Variants in IL2RB observed in about 807,000 individuals in gnomAD.
The protein encoded by IL2RB is interleukin 2 receptor subunit beta.
In IL2RB, 17 loss-of-function variants were observed where a neutral mutation model predicts 44.2. That is an observed-to-expected ratio of 0.38 (90% CI 0.26 to 0.58). The LOEUF (loss-of-function observed/expected upper bound fraction) is 0.58. Ranked by LOEUF, IL2RB falls within the 20% of genes least tolerant of loss-of-function variation. The pLI is 0.63. For synonymous variants in IL2RB, 286 were observed against 297.9 expected (o/e 0.96, Z 0.41); for missense variants, 624 against 685.5 (o/e 0.91, Z 1.00).
chr22:37,129,164 G>A (rs1358995473), intron 9 of IL2RB, among the ~76,000 whole-genome samples: 1 of 152,214 alleles, frequency 6.6e-6, no homozygotes, highest in African/African-American at 2.4e-5. Context: ...TATGAGCCTG[G>A]CACTGTTCTA....
intron 9 of IL2RB, among the ~76,000 whole-genome samples, chr22:37,129,280 T>C (rs84459): frequency 0.32 from 48,251 of 152,050 alleles, 7,795 homozygotes; most frequent in East Asian, 0.35. Flanking sequence ...GCACTGAGAG[T>C]ACAGCCTGTT....
intron 1 of IL2RB, among the ~76,000 whole-genome samples, chr22:37,170,867 C>A (rs1923259451): frequency 6.6e-6 from 1 of 152,198 alleles, no homozygotes; most frequent in Admixed American, 6.5e-5. Context: ...TCTGGGAGCG[C>A]CTTTCTGTGG....
chr22:37,148,547 C>A (rs2146251881), intron 1 of IL2RB, among the ~76,000 whole-genome samples: 1 of 152,286 alleles, frequency 6.6e-6, no homozygotes, highest in Admixed American at 6.5e-5. Flanking sequence ...TTGATCCATG[C>A]CAGAACTGAA....
chr22:37,146,441 C>G (rs1922228248), intron 1 of IL2RB, among the ~76,000 whole-genome samples: 1 of 152,194 alleles, frequency 6.6e-6, no homozygotes. Context: ...CACACACACA[C>G]CGCACCTACC....
At chr22:37,164,213 C>T (rs1922984225) in intron 1 of IL2RB, among the ~76,000 whole-genome samples, 1 of 152,170 alleles carries the variant, frequency 6.6e-6, no homozygotes, top group Non-Finnish European at 1.5e-5. Context: ...CCCCAACCTC[C>T]TCCACCTCTC....
Position 37,168,074 on chromosome 22 carries a change from G to A in IL2RB, c.-34+6884C>T, listed in dbSNP as rs193252627. 3.9e-5 allele frequency among the ~76,000 whole-genome samples: 6 copies of A among 152,374 alleles called. No homozygotes were observed. The East Asian group carries it at 1.2e-3, about 29-fold the overall frequency. ...CAGAGTACCTTCTCTTGGTATGGAG[G>A]TAGGACAAGTATGCAAATGATTATA... On this transcript the variant is annotated intron_variant, in intron 1 of 5. Transcript: ENST00000429622.
In IL2RB at chr22:37,160,679, C is replaced by CAAAAAAAAA. The variant is rs10605445; in HGVS notation, c.-34+14270_-34+14278dup. The stretch of plus-strand genomic sequence containing the variant: ...CAACATGCCGAAACCCTGTCTATGC[C>CAAAAAAAAA]AAAAAAAAAAAAAAAAAAATTTAGC... On this transcript the variant is annotated intron_variant, in intron 1 of 5. Coordinates refer to the IL2RB transcript ENST00000429622. Among the ~76,000 whole-genome samples the CAAAAAAAAA allele has an allele frequency of 8.4e-4, 114 of 136,008 alleles. 1 individual carries two copies. The highest frequency in any genetic ancestry group is 3.1e-3 in the African/African-American group (108 of 34,398). 89.2% of individuals were successfully genotyped at this position (136,008 alleles called of 152,430 possible).
chr22:37,131,373 C>T (rs1921416957), intron 9 of IL2RB, among the ~76,000 whole-genome samples: 1 of 152,108 alleles, frequency 6.6e-6, no homozygotes, highest in South Asian at 2.1e-4. Flanking sequence ...TCCCCACCCC[C>T]CAATCTTGGG....
At chr22:37,169,461 G>A (rs1695772239) in intron 1 of IL2RB, among the ~76,000 whole-genome samples, 1 of 152,160 alleles carries the variant, frequency 6.6e-6, no homozygotes, top group Non-Finnish European at 1.5e-5. Flanking sequence ...ACGCTGCCAT[G>A]TCATCCTTCA....
At chr22:37,137,506 G>T in intron 6 of IL2RB, 81 bp downstream of exon 6, 1 of 1,483,888 alleles carries the variant, frequency 6.7e-7, no homozygotes, top group South Asian at 1.2e-5. Flanking sequence ...AGGGGACCTC[G>T]ACACAATGAA....
intron 8 of IL2RB, 39 bp from the exon 9 acceptor site, chr22:37,132,507 G>A: frequency 1.3e-6 from 2 of 1,513,336 alleles, no homozygotes; most frequent in African/African-American, 1.4e-5. Context: ...GGGTGAGAAA[G>A]GGAAGGACCG....
At chr22:37,161,285 G>A (rs1249509226) in intron 1 of IL2RB, among the ~76,000 whole-genome samples, 1 of 152,230 alleles carries the variant, frequency 6.6e-6, no homozygotes, top group Non-Finnish European at 1.5e-5. Context: ...GTGCAGCTGA[G>A]GGTGGCATTG....
At chr22:37,130,719 T>A (rs546256732) in intron 9 of IL2RB, among the ~76,000 whole-genome samples, 1 of 152,372 alleles carries the variant, frequency 6.6e-6, no homozygotes, top group African/African-American at 2.4e-5. Context: ...GCAGCTAATC[T>A]ACCGCAGCCT....
At chr22:37,134,915 C>T (rs774577912) in intron 8 of IL2RB, among the ~76,000 whole-genome samples, 12 of 152,190 alleles carry the variant, frequency 7.9e-5, no homozygotes, top group Non-Finnish European at 1.2e-4. Context: ...TGGGAATAAG[C>T]GAATGACAGA....
intron 2 of IL2RB, 63 bp downstream of exon 2, chr22:37,144,022 T>C: frequency 6.5e-7 from 1 of 1,549,258 alleles, no homozygotes; most frequent in Non-Finnish European, 8.7e-7. Context: ...GAAGAGGCTT[T>C]AGCAGGGCCT....
At chr22:37,153,458 C>A (rs1157196145), upstream of IL2RB, among the ~76,000 whole-genome samples, 1 of 150,648 alleles carries the variant, frequency 6.6e-6, no homozygotes, top group Non-Finnish European at 1.5e-5. Flanking sequence ...GCAGACCTAC[C>A]AAATGAAGGG....
chr22:37,143,942 A>C, intron 2 of IL2RB, 143 bp downstream of exon 2: 1 of 1,024,680 alleles, frequency 9.8e-7, no homozygotes, highest in South Asian at 1.4e-5. Flanking sequence ...CATGCATGCC[A>C]GGGCAGGGGT....
intron 1 of IL2RB, among the ~76,000 whole-genome samples, chr22:37,166,129 CTG>C (rs1923071701): frequency 6.6e-6 from 1 of 152,208 alleles, no homozygotes; most frequent in Non-Finnish European, 1.5e-5. Flanking sequence ...CAAGGTCTCT[CTG>C]TTGCACTGGA....
At chr22:37,132,320 C>A in intron 9 of IL2RB, 64 bp downstream of exon 9, 1 of 1,296,494 alleles carries the variant, frequency 7.7e-7, no homozygotes, top group South Asian at 1.2e-5. Flanking sequence ...TAGCTACTAA[C>A]CTGCCACCCC....
Sources: allele counts gnomAD v4.1 joint callset (sites outside exome capture counted in the v4.1 genomes callset), GRCh38; gene constraint gnomAD v4.1.1; transcripts MANE v1.5; gene names NCBI Gene and HGNC (gene_info 2026-07-23, HGNC 2026-07-21).